Variants in PLXDC2 observed in about 807,000 individuals in gnomAD.
The protein encoded by PLXDC2 is plexin domain containing 2.
A neutral mutation model predicts 68.9 loss-of-function variants in PLXDC2; 40 were observed. That is an observed-to-expected ratio of 0.58 (90% CI 0.45 to 0.76). The LOEUF (loss-of-function observed/expected upper bound fraction) is 0.76. Among genes scored for constraint, PLXDC2 ranks in the 30% least tolerant of loss-of-function variants. The pLI, the probability that PLXDC2 is intolerant of heterozygous loss-of-function variation, is 0.00. For missense variants in PLXDC2, 644 were observed against 661.9 expected (o/e 0.97, Z 0.30); for synonymous variants, 243 against 234.2 (o/e 1.04, Z -0.34).
intron 6 of PLXDC2, among the ~76,000 whole-genome samples, chr10:20,162,857 AG>A (rs1414565846): frequency 3.4e-5 from 5 of 146,364 alleles, no homozygotes; most frequent in Non-Finnish European, 7.4e-5. Context: ...TGAGGCCAGG[AG>A]TTCCAGACCA....
chr10:19,956,863 C>G (rs1834078517), intron 1 of PLXDC2, among the ~76,000 whole-genome samples: 1 of 152,076 alleles, frequency 6.6e-6, no homozygotes. Context: ...TGCTTTACAC[C>G]CATAGGTTAC....
chr10:20,077,391 T>TA (rs907045371), intron 4 of PLXDC2, among the ~76,000 whole-genome samples: 1 of 152,158 alleles, frequency 6.6e-6, no homozygotes, highest in African/African-American at 2.4e-5. Flanking sequence ...TGAAAGTAGG[T>TA]AAAAAATATG....
At chr10:19,956,164 CTTTA>C (rs1264659139) in intron 1 of PLXDC2, among the ~76,000 whole-genome samples, 1 of 152,084 alleles carries the variant, frequency 6.6e-6, no homozygotes, top group Admixed American at 6.5e-5. Context: ...ACTATAAATA[CTTTA>C]TTTGTTTCTG....
intron 13 of PLXDC2, among the ~76,000 whole-genome samples, chr10:20,269,640 G>A (rs968386506): frequency 3.3e-5 from 5 of 152,120 alleles, no homozygotes; most frequent in African/African-American, 9.7e-5. Context: ...TACTATAGAT[G>A]GAAGATATGG....
intron 13 of PLXDC2, among the ~76,000 whole-genome samples, chr10:20,273,246 G>T (rs1320209933): frequency 3.3e-5 from 5 of 151,888 alleles, no homozygotes; most frequent in Non-Finnish European, 7.4e-5. Context: ...GTTTTTTATG[G>T]CAATATTTTA....
At chr10:20,100,382 T>C (rs942989601) in intron 4 of PLXDC2, among the ~76,000 whole-genome samples, 3 of 152,040 alleles carry the variant, frequency 2.0e-5, no homozygotes, top group African/African-American at 7.2e-5. Context: ...TGAAAGGAAA[T>C]GGTGTTTCCA....
At chr10:20,168,123 C>T (rs529165090) in intron 7 of PLXDC2, among the ~76,000 whole-genome samples, 4 of 152,010 alleles carry the variant, frequency 2.6e-5, no homozygotes, top group Non-Finnish European at 5.9e-5. Flanking sequence ...AATACCTTTG[C>T]TCCCTCAAAA....
intron 1 of PLXDC2, among the ~76,000 whole-genome samples, chr10:19,818,578 G>T (rs941480878): frequency 2.0e-5 from 3 of 152,150 alleles, no homozygotes; most frequent in Admixed American, 6.5e-5. Context: ...CACTTTTAAA[G>T]CTGAGAACAA....
At chr10:20,095,626 A>C (rs977084942) in intron 4 of PLXDC2, among the ~76,000 whole-genome samples, 3 of 152,154 alleles carry the variant, frequency 2.0e-5, no homozygotes, top group African/African-American at 7.2e-5. Flanking sequence ...AAAAAAGTGA[A>C]GGCAAGGAAG....
rs371094238 is a variant in PLXDC2, at chr10:19,830,883, A to G, written c.112+13692A>G. ...GTTACTTGCTGCTGAAAGAGTCTTG[A>G]GAAATCCATCAAAGTGTTTAATTAT... On this transcript the variant is annotated intron_variant, in intron 1 of 13. Transcript: ENST00000377252. Among the ~76,000 whole-genome samples, 44 of 152,272 alleles carry G rather than the reference A, an allele frequency of 2.9e-4. 1 individual carries two copies. Among genetic ancestry groups the G allele is most frequent in the African/African-American group, 1.0e-3 (42 of 41,568 alleles).
At chr10:19,901,331 A>G (rs2131367666) in intron 1 of PLXDC2, among the ~76,000 whole-genome samples, 1 of 152,274 alleles carries the variant, frequency 6.6e-6, no homozygotes, top group African/African-American at 2.4e-5. Context: ...CCTCCCTGCC[A>G]ACATCTTTTA....
chr10:20,102,414 G>T (rs1485919009), intron 4 of PLXDC2, among the ~76,000 whole-genome samples: 1 of 152,144 alleles, frequency 6.6e-6, no homozygotes, highest in African/African-American at 2.4e-5. Flanking sequence ...TTTATCCCAA[G>T]ATATAGTCAT....
At chr10:20,125,232 G>T (rs1363990310) in intron 4 of PLXDC2, among the ~76,000 whole-genome samples, 1 of 152,082 alleles carries the variant, frequency 6.6e-6, no homozygotes, top group Non-Finnish European at 1.5e-5. Flanking sequence ...ACCTTGCAGT[G>T]GGACTCTAAG....
intron 1 of PLXDC2, among the ~76,000 whole-genome samples, chr10:19,883,590 C>T (rs567338170): frequency 5.9e-5 from 9 of 152,118 alleles, no homozygotes; most frequent in African/African-American, 1.9e-4. Context: ...TGAGAACTTA[C>T]GTCCCCTTTT....
chr10:20,123,518 G>A (rs1833728350), intron 4 of PLXDC2, among the ~76,000 whole-genome samples: 2 of 152,188 alleles, frequency 1.3e-5, no homozygotes. Flanking sequence ...TTGGGGTCAA[G>A]TGGCATTGCA....
intron 12 of PLXDC2, among the ~76,000 whole-genome samples, chr10:20,225,824 A>G (rs1835278874): frequency 6.6e-6 from 1 of 152,106 alleles, no homozygotes; most frequent in African/African-American, 2.4e-5. Context: ...TTTTTTTTTA[A>G]TTCCCAGATT....
chr10:20,271,109 G>C (rs1835934074), intron 13 of PLXDC2, among the ~76,000 whole-genome samples: 1 of 137,494 alleles, frequency 7.3e-6, no homozygotes, highest in Non-Finnish European at 1.6e-5. Flanking sequence ...ATCAGAAAAG[G>C]GGACCGTTTA....
intron 1 of PLXDC2, among the ~76,000 whole-genome samples, chr10:19,988,167 G>C (rs1453810816): frequency 2.0e-5 from 3 of 152,154 alleles, no homozygotes; most frequent in Admixed American, 1.3e-4. Flanking sequence ...TAGAATTTTA[G>C]AAGCTCAATG....
At chr10:19,994,859 C>T (rs1834816145) in intron 1 of PLXDC2, among the ~76,000 whole-genome samples, 1 of 152,028 alleles carries the variant, frequency 6.6e-6, no homozygotes, top group South Asian at 2.1e-4. Context: ...TCTCCTGCCT[C>T]AGCCTCCCAA....
Sources: gnomAD v4.1 joint callset for allele counts (sites outside exome capture counted in the v4.1 genomes callset) on GRCh38, gnomAD v4.1.1 for gene constraint, MANE v1.5 for transcripts, NCBI Gene and HGNC (gene_info 2026-07-23, HGNC 2026-07-21) for gene names.